Variants in SECISBP2 observed in about 807,000 individuals in gnomAD.
SECISBP2 encodes the protein selenocysteine insertion sequence-binding protein 2.
SECISBP2 carries 96 observed loss-of-function variants against 98.2 expected under a neutral mutation model. That is an observed-to-expected ratio of 0.98 (90% CI 0.83 to 1.16). The LOEUF is 1.16. Among genes scored for constraint, SECISBP2 ranks in the 50% most tolerant of loss-of-function variants. The pLI is 0.00. For missense variants in SECISBP2, 1,046 were observed against 1,022.9 expected, an observed-to-expected ratio of 1.02 and a Z score of -0.31; for synonymous variants, 407 against 370.2, an observed-to-expected ratio of 1.10 and a Z score of -1.14.
chr9:89,359,120 C>T lies in SECISBP2; in HGVS notation c.*296C>T. The stretch of plus-strand genomic sequence containing the variant: ...ACTGGAAAATGTGATACTTAGAATA[C>T]TTTGGCTGCTAAGGAAACTTCCTCT... On this transcript the variant is annotated 3_prime_UTR_variant, in exon 17 of 17. Coordinates refer to ENST00000375807, the MANE Select transcript of SECISBP2 (RefSeq NM_024077.5). 1 of 394,078 alleles carries T rather than the reference C, an allele frequency of 2.5e-6. No individual in the cohort carries two copies. The highest frequency in any genetic ancestry group is 4.8e-6 in the Non-Finnish European group (1 of 209,922). 24.4% of individuals were successfully genotyped at this position (394,078 alleles called of 1,614,324 possible).
At chr9:89,342,023 G>A (rs979222723) in intron 10 of SECISBP2, among the ~76,000 whole-genome samples, 1 of 152,144 alleles carries the variant, frequency 6.6e-6, no homozygotes, top group African/African-American at 2.4e-5. Context: ...TACAGAATGG[G>A]AGAAAATATT....
Position 89,357,248 on chromosome 9 carries a change from G to C in SECISBP2, c.2114-163G>C, listed in dbSNP as rs1832228403. 13 of 747,768 alleles carry C rather than the reference G, an allele frequency of 1.7e-5. No homozygotes were observed. In the South Asian group the frequency reaches 1.9e-4, roughly 11 times the overall value. 46.3% of individuals were successfully genotyped at this position (747,768 alleles called of 1,614,324 possible). A position where few individuals can be genotyped will look rare whatever the true frequency, so the allele number is the denominator to read the frequency against. On this transcript the variant is annotated intron_variant, in intron 14 of 16. Transcript: ENST00000375807. ...CCATTTTTCCCCATATTTTTGGAGA[G>C]TTGATTCTGCAACTTGCTTTCTCCT... is the stretch of plus-strand genomic sequence containing the variant.
downstream of SECISBP2, chr9:89,362,502 T>G: frequency 6.2e-7 from 1 of 1,613,294 alleles, no homozygotes; most frequent in Non-Finnish European, 8.5e-7. Context: ...CCAGTCTGTC[T>G]CATAGCCCAT....
Position 89,346,946 on chromosome 9 carries a change from A to G in SECISBP2, c.1500A>G (p.Gln500=), listed in dbSNP as rs771164025. ...ASGERGRRMS[Q]MKTPHNPLDS... The stretch of plus-strand genomic sequence containing the variant: ...GGGAGAGAGGCCGCCGCATGAGTCA[A>G]ATGAAGACCCCGCACAATCCCTTGG... Residue 500 remains glutamine, a synonymous_variant, in exon 11 of 17, where the codon CAA becomes CAG. Transcript: ENST00000375807. The G allele has an allele frequency of 3.7e-6, 6 of 1,614,166 alleles. No homozygotes were observed. In the Admixed American group the frequency reaches 8.3e-5, roughly 22 times the overall value.
At chr9:89,365,577 C>CA in the SECISBP2 span, 2 of 152,228 alleles carry the variant, frequency 1.3e-5, no homozygotes, top group Admixed American at 1.3e-4. Flanking sequence ...CTCACAATGA[C>CA]AAAATGAAGT....
chr9:89,363,880 G>A (rs1833149215), downstream of SECISBP2: 2 of 1,614,100 alleles, frequency 1.2e-6, no homozygotes, highest in Non-Finnish European at 1.7e-6. Flanking sequence ...GCAGTGCATG[G>A]GTCTGCACAG....
chr9:89,327,827 T>C (rs1827024955), intron 4 of SECISBP2, among the ~76,000 whole-genome samples: 1 of 151,844 alleles, frequency 6.6e-6, no homozygotes, highest in Admixed American at 6.5e-5. Context: ...TTTTTTTTTT[T>C]TGAGACAGAG....
chr9:89,318,896 G>A, intron 1 of SECISBP2: 7 of 1,239,774 alleles, frequency 5.6e-6, no homozygotes, highest in Non-Finnish European at 6.0e-6. Context: ...CCCGCAGTCG[G>A]GGCGGGGGGA....
Position 89,334,773 on chromosome 9 carries a change from G to T in SECISBP2, c.1089+43G>T, listed in dbSNP as rs184040050. 2.4e-4 allele frequency: 344 copies of T among 1,436,680 alleles called. 2 individuals carry two copies. In the African/African-American group the frequency reaches 4.3e-3, roughly 18 times the overall value. The allele number at this position is 1,436,680 out of a possible 1,614,324, so 89.0% of individuals were successfully genotyped here. On this transcript the variant is annotated intron_variant, in intron 7 of 16. Coordinates refer to ENST00000375807, the MANE Select transcript of SECISBP2 (RefSeq NM_024077.5). ...CAGAAAGTAGGATGGTGGTTGCCAG[G>T]GGCTCAGTAGAGTGGGGAATGAGAA...
At chr9:89,363,996 C>G (rs749680588), downstream of SECISBP2, 1 of 1,613,758 alleles carries the variant, frequency 6.2e-7, no homozygotes, top group South Asian at 1.1e-5. Flanking sequence ...ATTTAGGACC[C>G]AAAGAAGCTG....
downstream of SECISBP2, chr9:89,363,364 T>C (rs1588050682): frequency 6.3e-7 from 1 of 1,594,850 alleles, no homozygotes; most frequent in South Asian, 1.1e-5. Context: ...AAAGATCCAC[T>C]GGATGTGGCA....
rs1428093430 is a variant in SECISBP2, at chr9:89,325,510, C to T, written c.266C>T (p.Pro89Leu). The change falls in exon 3 of 17, where the codon CCA becomes CTA. Residue 89 changes from proline (P) to leucine (L), a missense_variant. By Grantham distance (98) the Pro-to-Leu change is moderately conservative (BLOSUM62 -3). Coordinates refer to ENST00000375807, the MANE Select transcript of SECISBP2 (RefSeq NM_024077.5). The part of the protein sequence containing the change: ...QYLSSEITLH[P>L]YAYSPYTLDS... ...TTATCTTCTGAGATAACTCTTCATC[C>T]ATATGCCTATTCTCCTTATACCCTT... The T allele has an allele frequency of 1.2e-6, 2 of 1,613,794 alleles. No homozygotes were observed. Among genetic ancestry groups the T allele is most frequent in the Non-Finnish European group, 1.7e-6 (2 of 1,179,834 alleles).
At chr9:89,335,791 C>T (rs1209834521) in intron 7 of SECISBP2, among the ~76,000 whole-genome samples, 1 of 152,148 alleles carries the variant, frequency 6.6e-6, no homozygotes, top group East Asian at 1.9e-4. Flanking sequence ...TGAGAATGTA[C>T]ATTTTAGACA....
intron 9 of SECISBP2, among the ~76,000 whole-genome samples, chr9:89,340,756 C>T (rs1362519870): frequency 6.6e-6 from 1 of 152,208 alleles, no homozygotes; most frequent in Non-Finnish European, 1.5e-5. Context: ...AAATGGGACA[C>T]CATGCCTCAG....
rs115117478 is a variant in SECISBP2, at chr9:89,320,711, T to C, written c.182+914T>C. Among the ~76,000 whole-genome samples, 237 of 152,358 alleles carry C rather than the reference T, an allele frequency of 1.6e-3. 1 individual carries two copies. Among genetic ancestry groups the C allele is most frequent in the African/African-American group, 5.5e-3 (230 of 41,588 alleles). ...TTACATTTTTCCTTACATTTTCTTTTTCCTTCTCAGGATTCATTCTCTAGG... is the reference window on the plus strand; with the variant it reads ...TTACATTTTTCCTTACATTTTCTTTCTCCTTCTCAGGATTCATTCTCTAGG... On this transcript the variant is annotated intron_variant, in intron 2 of 16. Coordinates refer to ENST00000375807, the MANE Select transcript of SECISBP2 (RefSeq NM_024077.5).
rs1193118703 is a variant in SECISBP2 at position 89,346,909 on chromosome 9, A to C, written c.1463A>C (p.Glu488Ala). The stretch of plus-strand genomic sequence containing the variant: ...GGAGCAGTGCCAGTCCTTTCCAAAG[A>C]ATGTGCATCAGGGGAGAGAGGCCGC... ...SVGAVPVLSK[E>A]CASGERGRRM... Residue 488 changes from glutamate to alanine, a missense_variant, in exon 11 of 17, where the codon GAA (glutamate) becomes GCA (alanine). Transcript: ENST00000375807. The C allele has an allele frequency of 6.2e-7, 1 of 1,614,070 alleles. No homozygotes were observed. Among genetic ancestry groups the C allele is most frequent in the Non-Finnish European group, 8.5e-7 (1 of 1,180,012 alleles).
chr9:89,331,730 T>C (rs1449824083), intron 5 of SECISBP2, among the ~76,000 whole-genome samples: 1 of 152,252 alleles, frequency 6.6e-6, no homozygotes, highest in African/African-American at 2.4e-5. Context: ...GCCTAGTGAA[T>C]GATGGCTTTT....
chr9:89,329,211 C>T, intron 5 of SECISBP2: 1 of 301,534 alleles, frequency 3.3e-6, no homozygotes, highest in South Asian at 3.2e-5. Flanking sequence ...CTCCCGGGTT[C>T]AAGCAATTCT....
chr9:89,353,457 G>A (rs1241572752), intron 14 of SECISBP2, among the ~76,000 whole-genome samples: 1 of 152,166 alleles, frequency 6.6e-6, no homozygotes, highest in Non-Finnish European at 1.5e-5. Flanking sequence ...AACCTGTGCT[G>A]TGCCTCACCA....
Sources: allele counts gnomAD v4.1 joint callset (sites outside exome capture counted in the v4.1 genomes callset), GRCh38; gene constraint gnomAD v4.1.1; transcripts MANE v1.5; gene names NCBI Gene and HGNC (gene_info 2026-07-23, HGNC 2026-07-21).